Variants in DENND1A observed in about 807,000 individuals in gnomAD.
DENND1A encodes DENN domain-containing protein 1A.
Under a neutral mutation model 113.7 loss-of-function variants are expected in DENND1A, and 51 were observed. That is an observed-to-expected ratio of 0.45 (90% CI 0.36 to 0.57). DENND1A has a LOEUF of 0.57. Ranked by LOEUF, DENND1A falls within the 20% of genes least tolerant of loss-of-function variation. The probability of loss-of-function intolerance (pLI) is 0.00; values close to 1 mark genes in which losing one functional copy is unlikely to be tolerated. For synonymous variants in DENND1A, 565 were observed against 570.8 expected (o/e 0.99, Z 0.14); for missense variants, 1,258 against 1,395.9 (o/e 0.90, Z 1.57).
chr9:123,706,249 C>G (rs1002206295), intron 5 of DENND1A, among the ~76,000 whole-genome samples: 6 of 150,878 alleles, frequency 4.0e-5, no homozygotes, highest in Admixed American at 3.3e-4. Flanking sequence ...CTCCCTGGTT[C>G]AAGCTAGTCT....
At chr9:123,826,769 T>C (rs1298194812) in intron 2 of DENND1A, among the ~76,000 whole-genome samples, 1 of 152,168 alleles carries the variant, frequency 6.6e-6, no homozygotes, top group Non-Finnish European at 1.5e-5. Context: ...TCTCACCCAT[T>C]TATCAGGTGT....
Position 123,660,825 on chromosome 9 carries a change from A to G in DENND1A, c.507+6201T>C, listed in dbSNP as rs148803878. Among the ~76,000 whole-genome samples, 373 of 152,408 alleles carry G rather than the reference A, an allele frequency of 2.4e-3. 1 individual carries two copies. The highest frequency in any genetic ancestry group is 0.02 in the Middle Eastern group (6 of 294). Reference sequence around the variant, plus strand: ...AAAGAGATCAAATTTTTGAAAGCCAAAAAGCAGATGTGACTAACGAAGTGG... The same window carrying G: ...AAAGAGATCAAATTTTTGAAAGCCAGAAAGCAGATGTGACTAACGAAGTGG... On this transcript the variant is annotated intron_variant, in intron 8 of 23. Coordinates refer to ENST00000394215, the MANE Select transcript of DENND1A (RefSeq NM_001352964.2).
At chr9:123,657,361 T>A (rs897605289) in intron 8 of DENND1A, among the ~76,000 whole-genome samples, 16 of 144,336 alleles carry the variant, frequency 1.1e-4, no homozygotes, top group Admixed American at 8.1e-4. Context: ...AGGCTCACTG[T>A]GATCCATGCC....
chr9:123,862,011 T>C (rs770743206), intron 2 of DENND1A, among the ~76,000 whole-genome samples: 3 of 152,220 alleles, frequency 2.0e-5, no homozygotes, highest in Non-Finnish European at 4.4e-5. Context: ...ACACAGGCTC[T>C]TTCAGCAAAA....
intron 12 of DENND1A, among the ~76,000 whole-genome samples, chr9:123,569,936 A>C (rs1175446601): frequency 6.6e-6 from 1 of 152,070 alleles, no homozygotes; most frequent in African/African-American, 2.4e-5. Flanking sequence ...CACTGCCCCA[A>C]ACTTGAAGTC....
At chr9:123,580,349 C>T (rs940770969) in intron 12 of DENND1A, among the ~76,000 whole-genome samples, 1 of 152,200 alleles carries the variant, frequency 6.6e-6, no homozygotes, top group African/African-American at 2.4e-5. Context: ...TCTCCTGGGC[C>T]CTTCTGTGCC....
intron 11 of DENND1A, among the ~76,000 whole-genome samples, chr9:123,606,461 AC>A (rs2060159038): frequency 6.6e-6 from 1 of 152,202 alleles, no homozygotes; most frequent in Admixed American, 6.5e-5. Context: ...AGAGACCTGC[AC>A]CCATTCATGT....
intron 5 of DENND1A, among the ~76,000 whole-genome samples, chr9:123,753,363 C>T (rs955510013): frequency 6.6e-6 from 1 of 152,186 alleles, no homozygotes; most frequent in African/African-American, 2.4e-5. Flanking sequence ...GGTTATGTTG[C>T]ACAAAGGGTG....
chr9:123,387,660 CCG>C, intron 22 of DENND1A, 68 bp downstream of exon 22: 1 of 1,273,712 alleles, frequency 7.9e-7, no homozygotes, highest in Non-Finnish European at 1.0e-6. Flanking sequence ...CACCAGCCCC[CCG>C]CTTTCGCCAT....
intron 11 of DENND1A, among the ~76,000 whole-genome samples, chr9:123,596,628 G>A (rs1192257263): frequency 6.6e-6 from 1 of 152,122 alleles, no homozygotes; most frequent in East Asian, 1.9e-4. Context: ...CACTTTCCAG[G>A]CACAGAGCTG....
At chr9:123,696,915 T>A (rs1232826558) in intron 5 of DENND1A, among the ~76,000 whole-genome samples, 1 of 152,204 alleles carries the variant, frequency 6.6e-6, no homozygotes, top group Admixed American at 6.5e-5. Context: ...AAGGTCTCTA[T>A]TCACCAGTAT....
intron 5 of DENND1A, among the ~76,000 whole-genome samples, chr9:123,695,604 C>T (rs551215923): frequency 6.6e-6 from 1 of 152,214 alleles, no homozygotes; most frequent in Admixed American, 6.5e-5. Context: ...GGTCCTGGGG[C>T]TAACAGGCGA....
chr9:123,389,193 G>A lies in DENND1A; in HGVS notation c.1632-1335C>T, dbSNP rs567590757. Among the ~76,000 whole-genome samples the A allele has an allele frequency of 7.2e-5, 11 of 152,254 alleles. No homozygotes were observed. In the South Asian group the frequency reaches 8.3e-4, roughly 11 times the overall value. ...CTGTGCCTGCACTTTGCTGCAATCC[G>A]CCAGGGCTGGTGCCCATCCCAGCAC... On this transcript the variant is annotated intron_variant, in intron 21 of 23. Coordinates refer to ENST00000394215, the MANE Select transcript of DENND1A (RefSeq NM_001352964.2).
chr9:123,739,538 G>A (rs2068827248), intron 5 of DENND1A, among the ~76,000 whole-genome samples: 1 of 152,128 alleles, frequency 6.6e-6, no homozygotes, highest in Non-Finnish European at 1.5e-5. Flanking sequence ...AAAAATCTCA[G>A]TCCAGCTTAG....
intron 19 of DENND1A, among the ~76,000 whole-genome samples, chr9:123,427,767 G>A (rs1015639497): frequency 6.6e-6 from 1 of 152,158 alleles, no homozygotes; most frequent in African/African-American, 2.4e-5. Context: ...TGCTTCAGGT[G>A]GGGCCCTACC....
intron 13 of DENND1A, among the ~76,000 whole-genome samples, chr9:123,464,884 C>G (rs565171525): frequency 5.3e-5 from 8 of 149,930 alleles, no homozygotes; most frequent in Admixed American, 1.4e-4. Context: ...CACAATGGCT[C>G]ATGCCTGTAA....
chr9:123,403,391 A>C lies in DENND1A; in HGVS notation c.1631+11T>G, dbSNP rs2043662387. The C allele has an allele frequency of 2.5e-6, 4 of 1,613,732 alleles. No homozygotes were observed. In the South Asian group the frequency reaches 4.4e-5, roughly 18 times the overall value. The stretch of plus-strand genomic sequence containing the variant: ...GTTCTTACAGACAGAGGGGAGAGGC[A>C]CAATACTCACTGCTCAGGGCTCGGC... On this transcript the variant is annotated intron_variant, in intron 21 of 23. Coordinates refer to ENST00000394215, the MANE Select transcript of DENND1A (RefSeq NM_001352964.2).
At chr9:123,905,071 G>C (rs1228317869) in intron 1 of DENND1A, among the ~76,000 whole-genome samples, 1 of 151,894 alleles carries the variant, frequency 6.6e-6, no homozygotes, top group Non-Finnish European at 1.5e-5. Context: ...TTAAAGAAAA[G>C]AATTTTCAAC....
Position 123,887,278 on chromosome 9 carries a change from C to A in DENND1A, c.18-8257G>T, listed in dbSNP as rs1849232423. Among the ~76,000 whole-genome samples, 3 of 152,140 alleles carry A rather than the reference C, an allele frequency of 2.0e-5. 1 individual carries two copies. In the South Asian group the frequency reaches 6.2e-4, roughly 32 times the overall value. On this transcript the variant is annotated intron_variant, in intron 1 of 23. Coordinates refer to ENST00000394215, the MANE Select transcript of DENND1A (RefSeq NM_001352964.2). ...GTGAGGTAGACGTTCATGCTGGTGA[C>A]AGCCCAGTGTGAGATGTCAGAGCCT...
Sources: allele counts gnomAD v4.1 joint callset (sites outside exome capture counted in the v4.1 genomes callset), GRCh38; gene constraint gnomAD v4.1.1; transcripts MANE v1.5; gene names NCBI Gene and HGNC (gene_info 2026-07-23, HGNC 2026-07-21).